The following TRAPPC9 variants were observed in gnomAD, a reference collection of about 807,000 sequenced individuals.
The protein encoded by TRAPPC9 is trafficking protein particle complex subunit 9.
A neutral mutation model predicts 124.0 loss-of-function variants in TRAPPC9; 83 were observed. That is an observed-to-expected ratio of 0.67 (90% CI 0.56 to 0.80). TRAPPC9 has a LOEUF of 0.80. Among genes scored for constraint, TRAPPC9 ranks in the 30% least tolerant of loss-of-function variants. The probability of loss-of-function intolerance (pLI) is 0.00; values close to 1 mark genes in which losing one functional copy is unlikely to be tolerated. For synonymous variants in TRAPPC9, 638 were observed against 617.5 expected, an observed-to-expected ratio of 1.03 and a Z score of -0.49; for missense variants, 1,302 against 1,508.3, an observed-to-expected ratio of 0.86 and a Z score of 2.27.
At chr8:140,184,528 C>T (rs1001428885) in intron 17 of TRAPPC9, among the ~76,000 whole-genome samples, 4 of 152,116 alleles carry the variant, frequency 2.6e-5, no homozygotes, top group Non-Finnish European at 5.9e-5. Context: ...CTCCACCTCC[C>T]GGGTTCAAGC....
At chr8:139,780,040 A>G (rs980098632) in intron 21 of TRAPPC9, among the ~76,000 whole-genome samples, 2 of 152,206 alleles carry the variant, frequency 1.3e-5, no homozygotes, top group Non-Finnish European at 2.9e-5. Flanking sequence ...ATGAAGAACT[A>G]TTCTATGTTC....
chr8:140,390,334 A>T (rs2068891435), intron 7 of TRAPPC9, among the ~76,000 whole-genome samples: 1 of 152,088 alleles, frequency 6.6e-6, no homozygotes, highest in Admixed American at 6.5e-5. Flanking sequence ...AAAGAGATAA[A>T]TATCAACTCC....
At chr8:139,773,428 T>C (rs890430034) in intron 21 of TRAPPC9, among the ~76,000 whole-genome samples, 2 of 152,178 alleles carry the variant, frequency 1.3e-5, no homozygotes, top group Non-Finnish European at 1.5e-5. Flanking sequence ...CAGACGGCAC[T>C]GGGTGGGGGA....
chr8:140,384,100 G>A (rs1005519969), intron 7 of TRAPPC9, among the ~76,000 whole-genome samples: 1 of 152,074 alleles, frequency 6.6e-6, no homozygotes, highest in Non-Finnish European at 1.5e-5. Flanking sequence ...ATCCTTTACA[G>A]ACAAGCAAAT....
Position 140,404,761 on chromosome 8 carries a change from CAT to C in TRAPPC9, c.1008+814_1008+815del, listed in dbSNP as rs2069416042. ...GCACGCGTGAGCATGTGTGTACGTG[CAT>C]GTGTGTGCGTGTGTGAGCATGCTTG... On this transcript the variant is annotated intron_variant, in intron 6 of 22. Coordinates refer to ENST00000438773, the MANE Select transcript of TRAPPC9 (RefSeq NM_001160372.4). Among the ~76,000 whole-genome samples the C allele has an allele frequency of 2.0e-5, 3 of 149,952 alleles. No homozygotes were observed. The South Asian group carries it at 6.4e-4, about 32-fold the overall frequency.
intron 20 of TRAPPC9, among the ~76,000 whole-genome samples, chr8:139,904,065 C>A (rs1249465818): frequency 6.6e-6 from 1 of 152,044 alleles, no homozygotes; most frequent in Non-Finnish European, 1.5e-5. Flanking sequence ...AGCACTTGGG[C>A]AAGCAAAAGA....
intron 17 of TRAPPC9, among the ~76,000 whole-genome samples, chr8:140,181,329 C>T (rs1484289489): frequency 1.3e-5 from 2 of 152,200 alleles, no homozygotes; most frequent in African/African-American, 4.8e-5. Context: ...GGTGTGATCT[C>T]AGCTCACTAC....
intron 21 of TRAPPC9, among the ~76,000 whole-genome samples, chr8:139,852,293 C>A (rs545612432): frequency 3.7e-4 from 57 of 152,286 alleles, no homozygotes; most frequent in African/African-American, 1.3e-3. Flanking sequence ...TTATCAGCAG[C>A]ATGAAAATGG....
intron 5 of TRAPPC9, among the ~76,000 whole-genome samples, chr8:140,420,333 C>T (rs1191909799): frequency 6.6e-6 from 1 of 152,028 alleles, no homozygotes; most frequent in African/African-American, 2.4e-5. Context: ...CTATCAAAAT[C>T]CCAGCTGGAT....
At chr8:139,839,193 C>T (rs971080312) in intron 21 of TRAPPC9, among the ~76,000 whole-genome samples, 11 of 152,244 alleles carry the variant, frequency 7.2e-5, no homozygotes, top group African/African-American at 2.4e-4. Context: ...GCACTCGCTA[C>T]TTCACACATT....
intron 19 of TRAPPC9, among the ~76,000 whole-genome samples, chr8:139,973,957 G>A (rs1836271947): frequency 6.6e-6 from 1 of 152,172 alleles, no homozygotes; most frequent in South Asian, 2.1e-4. Flanking sequence ...AAGGACGAAT[G>A]GCAGGTGAGC....
chr8:140,141,135 A>G (rs2061376144), intron 17 of TRAPPC9, among the ~76,000 whole-genome samples: 1 of 152,252 alleles, frequency 6.6e-6, no homozygotes, highest in Non-Finnish European at 1.5e-5. Flanking sequence ...GGAATTCGTA[A>G]GTCTACTTAT....
At chr8:139,971,744 T>TACACAC (rs200935564) in intron 19 of TRAPPC9, among the ~76,000 whole-genome samples, 15 of 11,246 alleles carry the variant, frequency 1.3e-3, no homozygotes, top group African/African-American at 5.1e-3. Context: ...CACACATATA[T>TACACAC]ATATACACAC....
chr8:140,358,034 G>C (rs1260993161), intron 9 of TRAPPC9, among the ~76,000 whole-genome samples: 1 of 152,182 alleles, frequency 6.6e-6, no homozygotes, highest in African/African-American at 2.4e-5. Context: ...TGTGCCTTCA[G>C]AACCTTGGCA....
intron 7 of TRAPPC9, among the ~76,000 whole-genome samples, chr8:140,381,643 G>A (rs2068611592): frequency 8.0e-6 from 1 of 124,902 alleles, no homozygotes; most frequent in Non-Finnish European, 1.6e-5. Flanking sequence ...ACTCCAGCCT[G>A]GACAACAGAG....
At chr8:140,335,608 G>A (rs140917720) in intron 9 of TRAPPC9, among the ~76,000 whole-genome samples, 2,066 of 152,126 alleles carry the variant, frequency 0.014, 17 homozygotes, top group Non-Finnish European at 0.021. Flanking sequence ...CAGAGGTCAG[G>A]AGTGGAAATA....
chr8:139,843,199 G>A (rs1826853786), intron 21 of TRAPPC9, among the ~76,000 whole-genome samples: 1 of 152,260 alleles, frequency 6.6e-6, no homozygotes. Flanking sequence ...TGAATAAACA[G>A]TCATGTGAGG....
chr8:140,401,784 C>T (rs897787933), intron 6 of TRAPPC9, among the ~76,000 whole-genome samples: 2 of 151,884 alleles, frequency 1.3e-5, no homozygotes, highest in East Asian at 1.9e-4. Flanking sequence ...CCACCACACC[C>T]GGCTAATTTT....
chr8:140,210,679 C>T (rs924011792), intron 17 of TRAPPC9, among the ~76,000 whole-genome samples: 3 of 152,202 alleles, frequency 2.0e-5, no homozygotes, highest in Non-Finnish European at 4.4e-5. Context: ...GAAGGCACTG[C>T]CTGTCCCCAA....
Sources: allele counts gnomAD v4.1 joint callset (sites outside exome capture counted in the v4.1 genomes callset), GRCh38; gene constraint gnomAD v4.1.1; transcripts MANE v1.5; gene names NCBI Gene and HGNC (gene_info 2026-07-23, HGNC 2026-07-21).